The following TEAD4 variants were observed in gnomAD, a reference collection of about 807,000 sequenced individuals.
TEAD4 encodes the protein TEA domain transcription factor 4.
A neutral mutation model predicts 52.4 loss-of-function variants in TEAD4; 36 were observed. That is an observed-to-expected ratio of 0.69 (90% CI 0.53 to 0.91). The LOEUF (loss-of-function observed/expected upper bound fraction) is 0.91, where lower values mean the gene tolerates loss of function less well. Among genes scored for constraint, TEAD4 ranks in the 40% least tolerant of loss-of-function variants. The pLI, the probability that TEAD4 is intolerant of heterozygous loss-of-function variation, is 0.00. For missense variants in TEAD4, 508 were observed against 583.9 expected (o/e 0.87, Z 1.34); for synonymous variants, 220 against 231.0 (o/e 0.95, Z 0.43).
At chr12:2,964,423 T>C (rs912494327) in intron 2 of TEAD4, among the ~76,000 whole-genome samples, 2 of 151,492 alleles carry the variant, frequency 1.3e-5, no homozygotes, top group African/African-American at 4.8e-5. Flanking sequence ...GTCCCCAGGC[T>C]GGGGTCGCTG....
At chr12:3,039,313 T>G (rs980138965) in intron 11 of TEAD4, among the ~76,000 whole-genome samples, 1 of 152,204 alleles carries the variant, frequency 6.6e-6, no homozygotes, top group Non-Finnish European at 1.5e-5. Context: ...GTGGATCCAC[T>G]TGGGCTCATA....
chr12:3,019,957 C>T (rs752623820), intron 8 of TEAD4, among the ~76,000 whole-genome samples: 2 of 152,214 alleles, frequency 1.3e-5, no homozygotes, highest in Non-Finnish European at 2.9e-5. Context: ...CTTTTGCCTG[C>T]GTTCCTGCAG....
At chr12:2,997,428 G>T (rs555519595) in intron 3 of TEAD4, among the ~76,000 whole-genome samples, 4 of 152,320 alleles carry the variant, frequency 2.6e-5, no homozygotes, top group Admixed American at 6.5e-5. Context: ...GCTTTGCAGA[G>T]GTTGTTGCCA....
chr12:2,990,111 C>A (rs1416538282), intron 2 of TEAD4, among the ~76,000 whole-genome samples: 1 of 152,166 alleles, frequency 6.6e-6, no homozygotes, highest in African/African-American at 2.4e-5. Flanking sequence ...ACTTCTTTAT[C>A]TAGCTGTATC....
Position 3,017,444 on chromosome 12 carries a change from CGT to C in TEAD4, c.402_403del (p.Ser135CysfsTer12). On this transcript the variant is annotated frameshift_variant, in exon 6 of 13. Coordinates refer to ENST00000359864, the MANE Select transcript of TEAD4 (RefSeq NM_003213.4). LOFTEE classifies it high-confidence loss of function. Reference sequence around the variant, plus strand: ...GCCCTGCAGAGCATGGCTGCCATGTCGTCTGCACAGATCATCTCCGCCACGGC... The same window carrying C: ...GCCCTGCAGAGCATGGCTGCCATGTCCTGCACAGATCATCTCCGCCACGGC... The C allele has an allele frequency of 6.2e-7, 1 of 1,614,176 alleles. No homozygotes were observed. The highest frequency in any genetic ancestry group is 8.5e-7 in the Non-Finnish European group (1 of 1,180,040).
chr12:2,962,316 A>ATATATATATTTATATATATTTATT lies in TEAD4; in HGVS notation c.-30+2285_-30+2286insTTATATATATTTATTTATATATAT, dbSNP rs2098216211. On this transcript the variant is annotated intron_variant, in intron 2 of 12. Transcript: ENST00000359864. ...TATATATATAAATATAAATATATAAATATATATATAAATATAAATATATAT... is the reference window on the plus strand; with the variant it reads ...TATATATATAAATATAAATATATAAATATATATATTTATATATATTTATTTATATATATAAATATAAATATATAT... Among the ~76,000 whole-genome samples the ATATATATATTTATATATATTTATT allele has an allele frequency of 6.0e-5, 6 of 100,510 alleles. No homozygotes were observed. The South Asian group carries it at 1.9e-3, about 32-fold the overall frequency. 65.9% of individuals were successfully genotyped at this position (100,510 alleles called of 152,430 possible).
At chr12:3,030,903 C>T (rs376402124) in intron 10 of TEAD4, among the ~76,000 whole-genome samples, 8 of 152,122 alleles carry the variant, frequency 5.3e-5, no homozygotes, top group Non-Finnish European at 8.8e-5. Flanking sequence ...TTAAGGTTTT[C>T]GAACAGGGCA....
Position 3,037,977 on chromosome 12 carries a change from A to T in TEAD4, c.907A>T (p.Asn303Tyr). The T allele has an allele frequency of 6.2e-7, 1 of 1,613,628 alleles. No homozygotes were observed. Among genetic ancestry groups the T allele is most frequent in the Non-Finnish European group, 8.5e-7 (1 of 1,179,666 alleles). ...CACTGTCTCCCTCCAGGCAGACCTC[A>T]ACACCAACATCGAGGATGAAGGCAG... The change falls in exon 11 of 13, where the codon AAC becomes TAC. Residue 303 changes from asparagine to tyrosine, a missense_variant. Transcript: ENST00000359864.
At chr12:2,971,960 G>A (rs928128160) in intron 2 of TEAD4, among the ~76,000 whole-genome samples, 1 of 151,522 alleles carries the variant, frequency 6.6e-6, no homozygotes, top group African/African-American at 2.4e-5. Flanking sequence ...TTACAGGCAC[G>A]TGTCATGATG....
intron 5 of TEAD4, among the ~76,000 whole-genome samples, chr12:3,012,468 C>A (rs928270357): frequency 6.6e-6 from 1 of 152,174 alleles, no homozygotes; most frequent in African/African-American, 2.4e-5. Context: ...TGGGATCCCC[C>A]CTTGCTGGCT....
chr12:3,021,272 G>A (rs2098268512), intron 9 of TEAD4, among the ~76,000 whole-genome samples: 1 of 151,108 alleles, frequency 6.6e-6, no homozygotes, highest in Admixed American at 6.6e-5. Flanking sequence ...GTGACAGGAT[G>A]CCAGGGCCCT....
At chr12:3,011,235 C>CT (rs368082304) in intron 4 of TEAD4, among the ~76,000 whole-genome samples, 167 bp downstream of exon 4, 2 of 151,940 alleles carry the variant, frequency 1.3e-5, no homozygotes, top group African/African-American at 4.8e-5. Context: ...TTTTCTTTTT[C>CT]TTTCTTTTTT....
chr12:2,984,536 AAGGGGATGCCTCCTG>A (rs948356083), intron 2 of TEAD4, among the ~76,000 whole-genome samples: 2 of 152,188 alleles, frequency 1.3e-5, no homozygotes, highest in Non-Finnish European at 2.9e-5. Context: ...CTGCTTCACG[AAGGGGATGCCTCCTG>A]AGAAATGTGT....
In TEAD4 at chr12:2,983,628, A is replaced by G. The variant is rs563634234; in HGVS notation, c.-29-11110A>G. Among the ~76,000 whole-genome samples, 3 of 152,326 alleles carry G rather than the reference A, an allele frequency of 2.0e-5. No homozygotes were observed. The South Asian group carries it at 6.2e-4, about 32-fold the overall frequency. On this transcript the variant is annotated intron_variant, in intron 2 of 12. Transcript: ENST00000359864. ...TTCCCATACATCACACTTCCATTCT[A>G]CAAGCCTCCAAAATAAGCCCCAAAG... is the stretch of plus-strand genomic sequence containing the variant.
intron 3 of TEAD4, among the ~76,000 whole-genome samples, chr12:3,005,001 C>T (rs2098254711): frequency 6.6e-6 from 1 of 152,216 alleles, no homozygotes; most frequent in African/African-American, 2.4e-5. Flanking sequence ...GCTGGAGGGT[C>T]TGAGATGAGC....
chr12:2,996,022 A>C (rs1301960940), intron 3 of TEAD4, among the ~76,000 whole-genome samples: 1 of 151,774 alleles, frequency 6.6e-6, no homozygotes, highest in Non-Finnish European at 1.5e-5. Context: ...AAAAAAAAAA[A>C]ATGAAGCAAG....
At chr12:3,025,297 A>G (rs1044371253) in intron 10 of TEAD4, among the ~76,000 whole-genome samples, 28 of 152,094 alleles carry the variant, frequency 1.8e-4, no homozygotes, top group Admixed American at 7.2e-4. Flanking sequence ...CCTCCCCTAT[A>G]TTGATACAAT....
rs769333846 is a variant in TEAD4 at position 2,994,766 on chromosome 12, C to T, written c.-1C>T. The stretch of plus-strand genomic sequence containing the variant: ...CAACGAGCGCTCCTCCAAGCGGAGC[C>T]TTGGAGGGCACGGCCGGCACCATTA... On this transcript the variant is annotated 5_prime_UTR_variant, in exon 3 of 13. Transcript: ENST00000359864. The surrounding 1 kb of genome is among the most constrained non-coding windows in gnomAD (Gnocchi z 4.7). 2 of 1,608,082 alleles carry T rather than the reference C, an allele frequency of 1.2e-6. No individual in the cohort carries two copies. Among genetic ancestry groups the T allele is most frequent in the African/African-American group, 2.7e-5 (2 of 74,826 alleles).
chr12:3,004,732 G>A (rs777854829), intron 3 of TEAD4, among the ~76,000 whole-genome samples: 1 of 152,218 alleles, frequency 6.6e-6, no homozygotes, highest in Non-Finnish European at 1.5e-5. Flanking sequence ...TACTGATGAG[G>A]TATGCAGCAA....
Sources: gnomAD v4.1 joint callset for allele counts (sites outside exome capture counted in the v4.1 genomes callset) on GRCh38, gnomAD v4.1.1 for gene constraint, Gnocchi (gnomAD v3.1) non-coding constraint, MANE v1.5 for transcripts, NCBI Gene and HGNC (gene_info 2026-07-23, HGNC 2026-07-21) for gene names.